SLC44A1: variants seen among roughly 807,000 people sequenced by gnomAD.
SLC44A1 encodes the protein solute carrier family 44 member 1.
SLC44A1 carries 26 observed loss-of-function variants against 79.3 expected under a neutral mutation model. The ratio of observed to expected loss-of-function variants is 0.33; its 90% CI spans 0.24 to 0.46. SLC44A1 has a LOEUF of 0.46. Ranked by LOEUF, SLC44A1 falls within the 20% of genes least tolerant of loss-of-function variation. The pLI is 1.00. For missense variants in SLC44A1, 688 were observed against 798.1 expected, an observed-to-expected ratio of 0.86 and a Z score of 1.66; for synonymous variants, 263 against 286.2, an observed-to-expected ratio of 0.92 and a Z score of 0.82.
intron 13 of SLC44A1, among the ~76,000 whole-genome samples, chr9:105,377,440 T>G (rs1828324196): frequency 6.6e-6 from 1 of 151,978 alleles, no homozygotes; most frequent in South Asian, 2.1e-4. Flanking sequence ...TGAGTATGCA[T>G]TATTTTTTTA....
intron 6 of SLC44A1, among the ~76,000 whole-genome samples, chr9:105,356,675 G>A (rs1357645428): frequency 6.6e-6 from 1 of 152,016 alleles, no homozygotes; most frequent in Non-Finnish European, 1.5e-5. Flanking sequence ...TTCTTTTAAT[G>A]AATCAACAAC....
rs748763516 is a variant in SLC44A1 at position 105,390,787 on chromosome 9, A to C, written c.*1731A>C. 2 of 985,360 alleles carry C rather than the reference A, an allele frequency of 2.0e-6. No homozygotes were observed. The highest frequency in any genetic ancestry group is 9.4e-5 in the South Asian group (2 of 21,290). 61.0% of individuals were successfully genotyped at this position (985,360 alleles called of 1,614,324 possible). ...TAAGAGTCTGGATTTTAAAAAACACATGCATACACACAATTAAGAGCTCAT... is the reference window on the plus strand; with the variant it reads ...TAAGAGTCTGGATTTTAAAAAACACCTGCATACACACAATTAAGAGCTCAT... On this transcript the variant is annotated 3_prime_UTR_variant, in exon 16 of 16. Coordinates refer to ENST00000374720, the MANE Select transcript of SLC44A1 (RefSeq NM_080546.5).
intron 1 of SLC44A1, among the ~76,000 whole-genome samples, chr9:105,291,311 G>C (rs1418803692): frequency 1.3e-5 from 2 of 152,192 alleles, no homozygotes; most frequent in Non-Finnish European, 2.9e-5. Flanking sequence ...AATACTGGAG[G>C]TTTCTGTGTA....
At chr9:105,307,354 G>A (rs572813242) in intron 2 of SLC44A1, among the ~76,000 whole-genome samples, 1 of 152,184 alleles carries the variant, frequency 6.6e-6, no homozygotes, top group South Asian at 2.1e-4. Context: ...GTTAAAACAT[G>A]TGTTGGAGGC....
intron 3 of SLC44A1, among the ~76,000 whole-genome samples, chr9:105,332,240 C>T (rs1826776102): frequency 6.6e-6 from 1 of 151,828 alleles, no homozygotes; most frequent in South Asian, 2.1e-4. Context: ...CTGCCTCAGC[C>T]TCCCAAGTAG....
chr9:105,373,091 A>G lies in SLC44A1; in HGVS notation c.1495-1507A>G, dbSNP rs73512080. On this transcript the variant is annotated intron_variant, in intron 12 of 15. Transcript: ENST00000374720. ...TTTTGGTAATTCAAACCTCATCTTC[A>G]TTACAGACTCCTAATAACTAACAAG... 1.3e-3 allele frequency among the ~76,000 whole-genome samples: 195 copies of G among 152,326 alleles called. 1 individual carries two copies. The highest frequency in any genetic ancestry group is 0.01 in the Middle Eastern group (3 of 294).
At chr9:105,326,859 C>T (rs1468320159) in intron 3 of SLC44A1, among the ~76,000 whole-genome samples, 1 of 152,180 alleles carries the variant, frequency 6.6e-6, no homozygotes, top group Admixed American at 6.5e-5. Flanking sequence ...AATCCTACAG[C>T]CAACTGTATA....
chr9:105,307,400 T>C (rs1223431267), intron 2 of SLC44A1, among the ~76,000 whole-genome samples: 1 of 152,142 alleles, frequency 6.6e-6, no homozygotes, highest in Non-Finnish European at 1.5e-5. Flanking sequence ...TCCCAGCACT[T>C]TGGGAGGCCG....
rs2771032 is a variant in SLC44A1 at position 105,395,181 on chromosome 9, A to G, written c.*6125A>G. The G allele has an allele frequency of 0.97, 958,804 of 985,404 alleles. 466,463 individuals are homozygous for G. The highest frequency in any genetic ancestry group is 1 in the East Asian group (8,818 of 8,824). 61.0% of individuals were successfully genotyped at this position (985,404 alleles called of 1,614,324 possible). A position where few individuals can be genotyped will look rare whatever the true frequency, so the allele number is the denominator to read the frequency against. On this transcript the variant is annotated 3_prime_UTR_variant, in exon 16 of 16. Transcript: ENST00000374720. Reference sequence around the variant, plus strand: ...AGGAGAAAAGTCAGCCCCCTACCCCACCCCACACTCCTAGAAAAGTTTGGG... The same window carrying G: ...AGGAGAAAAGTCAGCCCCCTACCCCGCCCCACACTCCTAGAAAAGTTTGGG...
intron 15 of SLC44A1, among the ~76,000 whole-genome samples, chr9:105,415,714 A>G (rs1829160782): frequency 6.6e-6 from 1 of 152,202 alleles, no homozygotes; most frequent in Non-Finnish European, 1.5e-5. Context: ...CAAAAGCCCC[A>G]GATATGGGAC....
intron 15 of SLC44A1, among the ~76,000 whole-genome samples, chr9:105,404,008 G>C (rs1025272861): frequency 1.3e-5 from 2 of 151,992 alleles, no homozygotes; most frequent in African/African-American, 4.8e-5. Context: ...CCTGACAACA[G>C]TGGGGAGTAT....
In SLC44A1 at chr9:105,318,961, G is replaced by T. The variant is rs138462538; in HGVS notation, c.269+9095G>T. ...GTCTCACTACTTGAGTTGGTTCTAG[G>T]TTACCTGACACCTGTGAAGATTTTT... On this transcript the variant is annotated intron_variant, in intron 3 of 15. Coordinates refer to ENST00000374720, the MANE Select transcript of SLC44A1 (RefSeq NM_080546.5). 3.0e-4 allele frequency among the ~76,000 whole-genome samples: 46 copies of T among 152,202 alleles called. 1 individual carries two copies. The East Asian group carries it at 8.1e-3, about 27-fold the overall frequency.
intron 13 of SLC44A1, among the ~76,000 whole-genome samples, chr9:105,377,500 C>T (rs1353900375): frequency 2.0e-5 from 3 of 151,594 alleles, no homozygotes; most frequent in African/African-American, 7.3e-5. Context: ...CCTATAATCC[C>T]AGCACTTTGG....
At position 105,391,494 on chromosome 9, in the gene SLC44A1, C is replaced by T. The variant is rs888103704; in HGVS notation, c.*2438C>T. 1.0e-6 allele frequency: 1 copy of T among 985,318 alleles called. No individual in the cohort carries two copies. Among genetic ancestry groups the T allele is most frequent in the Non-Finnish European group, 1.2e-6 (1 of 829,798 alleles). 61.0% of individuals were successfully genotyped at this position (985,318 alleles called of 1,614,324 possible). The stretch of plus-strand genomic sequence containing the variant: ...GTTTTCCTTAAGTAAATTCATGTGC[C>T]GTGTAGAAATATGCAGATATGCATT... On this transcript the variant is annotated 3_prime_UTR_variant, in exon 16 of 16. Transcript: ENST00000374720.
At chr9:105,337,036 C>T (rs1231743068) in intron 4 of SLC44A1, among the ~76,000 whole-genome samples, 4 of 152,124 alleles carry the variant, frequency 2.6e-5, no homozygotes, top group African/African-American at 9.7e-5. Flanking sequence ...AAAGAAGTGC[C>T]AACCACTCTT....
chr9:105,309,961 C>A (rs1180614697), intron 3 of SLC44A1, 95 bp downstream of exon 3: 3 of 1,258,382 alleles, frequency 2.4e-6, no homozygotes, highest in African/African-American at 3.0e-5. Context: ...TAATATCTTA[C>A]CAAATATTAT....
intron 1 of SLC44A1, among the ~76,000 whole-genome samples, chr9:105,290,247 G>T (rs551410186): frequency 6.6e-6 from 1 of 152,252 alleles, no homozygotes; most frequent in Non-Finnish European, 1.5e-5. Flanking sequence ...CCCATTAACA[G>T]TCTGGAAACT....
intron 3 of SLC44A1, among the ~76,000 whole-genome samples, chr9:105,334,501 C>T (rs1429037997): frequency 6.6e-6 from 1 of 152,064 alleles, no homozygotes; most frequent in Non-Finnish European, 1.5e-5. Flanking sequence ...CCACATTTTG[C>T]ATAGCAACAG....
At chr9:105,323,903 C>G (rs1826479586) in intron 3 of SLC44A1, among the ~76,000 whole-genome samples, 2 of 152,216 alleles carry the variant, frequency 1.3e-5, no homozygotes, top group Non-Finnish European at 2.9e-5. Context: ...GGTCTTCTGT[C>G]CTTCCATCTT....
Sources: allele counts gnomAD v4.1 joint callset (sites outside exome capture counted in the v4.1 genomes callset), GRCh38; gene constraint gnomAD v4.1.1; transcripts MANE v1.5; gene names NCBI Gene and HGNC (gene_info 2026-07-23, HGNC 2026-07-21).